Variants in ENPP1 observed in about 807,000 individuals in gnomAD.
The protein encoded by ENPP1 is ectonucleotide pyrophosphatase/phosphodiesterase 1.
In ENPP1, 73 loss-of-function variants were observed where a neutral mutation model predicts 122.8. The ratio of observed to expected loss-of-function variants is 0.59; its 90% CI spans 0.49 to 0.72. ENPP1 has a LOEUF of 0.72. ENPP1 is among the 30% of genes least tolerant of loss of function. ENPP1 has a pLI of 0.00. For synonymous variants in ENPP1, 367 were observed against 391.6 expected (o/e 0.94, Z 0.74); for missense variants, 978 against 1,128.1 (o/e 0.87, Z 1.91).
intron 15 of ENPP1, among the ~76,000 whole-genome samples, chr6:131,873,599 T>C (rs1264508272): frequency 2.0e-5 from 3 of 152,084 alleles, no homozygotes; most frequent in African/African-American, 7.2e-5. Context: ...TACTAATCCA[T>C]CAATAAACTT....
intron 1 of ENPP1, among the ~76,000 whole-genome samples, chr6:131,808,996 G>A (rs1781316473): frequency 6.6e-6 from 1 of 152,164 alleles, no homozygotes; most frequent in South Asian, 2.1e-4. Flanking sequence ...TGAATTCATG[G>A]TGGGAAGTGC....
chr6:131,854,170 C>T (rs980176037), intron 5 of ENPP1, among the ~76,000 whole-genome samples: 1 of 151,838 alleles, frequency 6.6e-6, no homozygotes, highest in African/African-American at 2.4e-5. Context: ...TTTGGGAGGC[C>T]GAGGTGGGAA....
chr6:131,828,126 G>T, intron 1 of ENPP1: 1 of 584,456 alleles, frequency 1.7e-6, no homozygotes, highest in Non-Finnish European at 3.4e-6. Flanking sequence ...TGCTGTCAGT[G>T]GAGGTCGTTC....
At position 131,882,459 on chromosome 6, in the gene ENPP1, T is replaced by C; in HGVS notation, c.2215T>C (p.Phe739Leu). 1 of 1,607,960 alleles carries C rather than the reference T, an allele frequency of 6.2e-7. No individual in the cohort carries two copies. Among genetic ancestry groups the C allele is most frequent in the Non-Finnish European group, 8.5e-7 (1 of 1,176,292 alleles). Residue 739 changes from phenylalanine (F) to leucine (L), a missense_variant, in exon 21 of 25, where the codon TTC becomes CTC. Physicochemically the swap from Phe to Leu is conservative, Grantham distance 22. Coordinates refer to ENST00000647893, the MANE Select transcript of ENPP1 (RefSeq NM_006208.3). ...AAATAACACCAAAGTGAGTTACGGG[T>C]TCCTCTCCCCACCACGTAAGTTTTT... Reference protein sequence around the residue: ...YKNNTKVSYGFLSPPQLNKNS... With the variant: ...YKNNTKVSYGLLSPPQLNKNS...
At chr6:131,858,111 G>A (rs141272815) in intron 6 of ENPP1, among the ~76,000 whole-genome samples, 28 of 152,280 alleles carry the variant, frequency 1.8e-4, no homozygotes, top group African/African-American at 6.7e-4. Context: ...GTAGAGGCAG[G>A]AGAAAAAGAA....
At chr6:131,812,507 C>G (rs2114648782) in intron 1 of ENPP1, among the ~76,000 whole-genome samples, 2 of 152,082 alleles carry the variant, frequency 1.3e-5, no homozygotes, top group South Asian at 2.1e-4. Context: ...TTAAAAGAAT[C>G]CTTAATTAAT....
chr6:131,844,311 T>C (rs375090319), intron 1 of ENPP1, among the ~76,000 whole-genome samples: 4 of 152,222 alleles, frequency 2.6e-5, no homozygotes, highest in Non-Finnish European at 5.9e-5. Flanking sequence ...TACCAAGATA[T>C]ATTAACTGTG....
chr6:131,875,906 C>T (rs1222600219), intron 17 of ENPP1, 43 bp downstream of exon 17: 6 of 1,455,978 alleles, frequency 4.1e-6, no homozygotes, highest in East Asian at 4.5e-5. Flanking sequence ...GAAAATAGAC[C>T]TGAAATAGGA....
At chr6:131,858,252 T>A (rs990777638) in intron 6 of ENPP1, among the ~76,000 whole-genome samples, 1 of 152,080 alleles carries the variant, frequency 6.6e-6, no homozygotes, top group Non-Finnish European at 1.5e-5. Context: ...GCTTCTAGAT[T>A]TATGGCCTGG....
At position 131,872,140 on chromosome 6, in the gene ENPP1, T is replaced by A. The variant is rs1238449624; in HGVS notation, c.1437+39T>A. On this transcript the variant is annotated intron_variant, in intron 14 of 24. Coordinates refer to ENST00000647893, the MANE Select transcript of ENPP1 (RefSeq NM_006208.3). ...TTTTCCATTATCTAGTTATTTTTACTTTTGTATAATATATATTGAGAGAAA... is the reference window on the plus strand; with the variant it reads ...TTTTCCATTATCTAGTTATTTTTACATTTGTATAATATATATTGAGAGAAA... 4 of 1,357,864 alleles carry A rather than the reference T, an allele frequency of 2.9e-6. No individual in the cohort carries two copies. The East Asian group carries it at 6.9e-5, about 23-fold the overall frequency. 84.1% of individuals were successfully genotyped at this position (1,357,864 alleles called of 1,614,324 possible).
At chr6:131,871,619 A>C (rs957328257) in intron 13 of ENPP1, among the ~76,000 whole-genome samples, 3 of 152,230 alleles carry the variant, frequency 2.0e-5, no homozygotes, top group African/African-American at 7.2e-5. Context: ...TTTCCTAGGG[A>C]ACAAGATGTA....
chr6:131,865,056 A>G, intron 11 of ENPP1, 118 bp downstream of exon 11: 1 of 735,244 alleles, frequency 1.4e-6, no homozygotes, highest in Non-Finnish European at 2.5e-6. Flanking sequence ...AAAAGCAAGT[A>G]TTATACACAA....
intron 1 of ENPP1, chr6:131,826,078 GACTGATATCCTTCCAGTTCAGGA>G: frequency 1.2e-5 from 9 of 780,532 alleles, no homozygotes; most frequent in Non-Finnish European, 1.9e-5. Context: ...CTGCTTTAGG[GACTGATATCCTTCCAGTTCAGGA>G]GGAAGTGTTT....
chr6:131,847,712 TA>T (rs1562518873), intron 1 of ENPP1, 63 bp from the exon 2 acceptor site: 1 of 1,203,292 alleles, frequency 8.3e-7, no homozygotes. Context: ...TCTCTAAAAA[TA>T]AAAAATAAGA....
chr6:131,842,652 T>C (rs1386721416), intron 1 of ENPP1, among the ~76,000 whole-genome samples: 1 of 152,186 alleles, frequency 6.6e-6, no homozygotes, highest in Non-Finnish European at 1.5e-5. Context: ...GTTGTTAGTA[T>C]GTTAGCATTT....
At chr6:131,847,205 A>G (rs775597890) in intron 1 of ENPP1, among the ~76,000 whole-genome samples, 1 of 152,160 alleles carries the variant, frequency 6.6e-6, no homozygotes, top group African/African-American at 2.4e-5. Flanking sequence ...TATTCCACAT[A>G]TTGCCTTTAA....
chr6:131,865,994 CAAA>C (rs1554203830), intron 11 of ENPP1, among the ~76,000 whole-genome samples: 5 of 92,590 alleles, frequency 5.4e-5, no homozygotes, highest in Non-Finnish European at 1.9e-5. Context: ...GACTCTGTCT[CAAA>C]AAAAAAAAAA....
At chr6:131,867,658 A>G (rs924423031) in intron 11 of ENPP1, among the ~76,000 whole-genome samples, 1 of 152,158 alleles carries the variant, frequency 6.6e-6, no homozygotes, top group Non-Finnish European at 1.5e-5. Context: ...TGTAGATTTG[A>G]GCTATTATTA....
chr6:131,887,324 T>A (rs567378835), intron 24 of ENPP1, among the ~76,000 whole-genome samples: 15 of 152,270 alleles, frequency 9.9e-5, no homozygotes, highest in Admixed American at 4.6e-4. Flanking sequence ...TTTTATATTA[T>A]CTTATTTGCT....
Sources: gnomAD v4.1 joint callset for allele counts (sites outside exome capture counted in the v4.1 genomes callset) on GRCh38, gnomAD v4.1.1 for gene constraint, MANE v1.5 for transcripts, NCBI Gene and HGNC (gene_info 2026-07-23, HGNC 2026-07-21) for gene names.